The following FGF9 variants were observed in gnomAD, a reference collection of about 807,000 sequenced individuals.
FGF9 encodes the protein fibroblast growth factor 9, also known as fibroblast growth factor 9 (glia-activating factor).
Under a neutral mutation model 19.9 loss-of-function variants are expected in FGF9, and 3 were observed. The ratio of observed to expected loss-of-function variants is 0.15; its 90% CI spans 0.07 to 0.39. The LOEUF is 0.39. Among genes scored for constraint, FGF9 ranks in the 10% least tolerant of loss-of-function variants. The probability of loss-of-function intolerance (pLI) is 1.00; values close to 1 mark genes in which losing one functional copy is unlikely to be tolerated. For synonymous variants in FGF9, 107 were observed against 106.9 expected (o/e 1.00, Z -0.01); for missense variants, 175 against 256.8 (o/e 0.68, Z 2.18).
chr13:21,702,947 T>C lies in FGF9; in HGVS notation c.*1512T>C, dbSNP rs1335423117. ...AGGGGATATTACTATATAGAATATCTTTTACAAGGCTTTTATAACATTTTA... is the reference window on the plus strand; with the variant it reads ...AGGGGATATTACTATATAGAATATCCTTTACAAGGCTTTTATAACATTTTA... On this transcript the variant is annotated 3_prime_UTR_variant, in exon 3 of 3. Transcript: ENST00000382353. 6.6e-6 allele frequency: 1 copy of C among 152,240 alleles called. No homozygotes were observed. The highest frequency in any genetic ancestry group is 2.4e-5 in the African/African-American group (1 of 41,474). 9.4% of individuals were successfully genotyped at this position (152,240 alleles called of 1,614,324 possible). A position where few individuals can be genotyped will look rare whatever the true frequency, so the allele number is the denominator to read the frequency against.
Position 21,704,383 on chromosome 13 carries a change from A to G in FGF9, c.*2948A>G, listed in dbSNP as rs1872606951. ...GGCTGCCTTCTGGTGTTTTTATTCTATTTCATCTCATTAACACTACAACCT... is the reference window on the plus strand; with the variant it reads ...GGCTGCCTTCTGGTGTTTTTATTCTGTTTCATCTCATTAACACTACAACCT... On this transcript the variant is annotated 3_prime_UTR_variant, in exon 3 of 3. Transcript: ENST00000382353. 6.6e-6 allele frequency: 1 copy of G among 152,026 alleles called. No individual in the cohort carries two copies. The highest frequency in any genetic ancestry group is 2.4e-5 in the African/African-American group (1 of 41,374). 9.4% of individuals were successfully genotyped at this position (152,026 alleles called of 1,614,324 possible).
chr13:21,692,637 C>T (rs2138143314), intron 2 of FGF9, among the ~76,000 whole-genome samples: 1 of 152,126 alleles, frequency 6.6e-6, no homozygotes, highest in South Asian at 2.1e-4. Context: ...ACAAAGTGGC[C>T]CATGTAGTGC....
chr13:21,685,247 TAGG>T (rs1200679338), intron 2 of FGF9, among the ~76,000 whole-genome samples: 1 of 152,186 alleles, frequency 6.6e-6, no homozygotes, highest in African/African-American at 2.4e-5. Context: ...AGAAGGTAAA[TAGG>T]AGATTTGGGG....
At chr13:21,675,794 GGTGACTGCAGCTGCTGGCAAGCTTGGCA>G (rs1871901745) in intron 1 of FGF9, among the ~76,000 whole-genome samples, 2 of 152,312 alleles carry the variant, frequency 1.3e-5, no homozygotes, top group Admixed American at 1.3e-4. Flanking sequence ...TGCAGCCGCA[GGTGACTGCAGCTGCTGGCAAGCTTGGCA>G]GTGACACAGC....
In FGF9 at chr13:21,701,492, G is replaced by C. The variant is rs1040358125; in HGVS notation, c.*57G>C. 32 of 1,612,486 alleles carry C rather than the reference G, an allele frequency of 2.0e-5. 1 individual carries two copies. In the South Asian group the frequency reaches 3.3e-4, roughly 17 times the overall value. On this transcript the variant is annotated 3_prime_UTR_variant, in exon 3 of 3. Coordinates refer to ENST00000382353, the MANE Select transcript of FGF9 (RefSeq NM_002010.3). ...AAAGTAACCACTATAAAGGTTTCAC[G>C]CGGTGGGTTCTTATTGATTCGCTGT...
intron 2 of FGF9, among the ~76,000 whole-genome samples, chr13:21,695,115 T>TGTGA (rs1555224959): frequency 9.4e-5 from 14 of 149,576 alleles, no homozygotes; most frequent in African/African-American, 2.8e-4. Context: ...TGTGTGTGTG[T>TGTGA]GAGAGAGACT....
intron 2 of FGF9, among the ~76,000 whole-genome samples, chr13:21,686,586 G>A (rs1186377543): frequency 6.6e-6 from 1 of 152,152 alleles, no homozygotes; most frequent in Non-Finnish European, 1.5e-5. Flanking sequence ...GTATCCCTTT[G>A]TAGCACTTAC....
At chr13:21,693,408 C>T (rs143630882) in intron 2 of FGF9, among the ~76,000 whole-genome samples, 8 of 152,056 alleles carry the variant, frequency 5.3e-5, no homozygotes, top group East Asian at 1.9e-4. Flanking sequence ...CATGGGCATC[C>T]GCTGTGGGTA....
intron 2 of FGF9, among the ~76,000 whole-genome samples, chr13:21,692,550 T>A (rs1872316631): frequency 6.6e-6 from 1 of 152,206 alleles, no homozygotes; most frequent in African/African-American, 2.4e-5. Context: ...TCTCACTCTT[T>A]CTGAGCTGAG....
At position 21,703,731 on chromosome 13, in the gene FGF9, G is replaced by A. The variant is rs1281095811; in HGVS notation, c.*2296G>A. The A allele has an allele frequency of 6.6e-6, 1 of 151,962 alleles. No homozygotes were observed. Among genetic ancestry groups the A allele is most frequent in the African/African-American group, 2.4e-5 (1 of 41,390 alleles). 9.4% of individuals were successfully genotyped at this position (151,962 alleles called of 1,614,324 possible). The stretch of plus-strand genomic sequence containing the variant: ...TATACTATGTAGCACTGAAAAAATT[G>A]ATTTTAGGTGACAGCCAAAAGTAGT... On this transcript the variant is annotated 3_prime_UTR_variant, in exon 3 of 3. Coordinates refer to ENST00000382353, the MANE Select transcript of FGF9 (RefSeq NM_002010.3).
intron 2 of FGF9, among the ~76,000 whole-genome samples, chr13:21,685,002 T>C (rs1593094458): frequency 1.3e-5 from 2 of 152,322 alleles, no homozygotes; most frequent in African/African-American, 2.4e-5. Flanking sequence ...TATTTCCCAC[T>C]GGGTTTGTGG....
At chr13:21,693,594 C>T (rs1249451690) in intron 2 of FGF9, among the ~76,000 whole-genome samples, 1 of 152,120 alleles carries the variant, frequency 6.6e-6, no homozygotes, top group Non-Finnish European at 1.5e-5. Flanking sequence ...GGCTTTTCTT[C>T]CCAGTAAGTT....
intron 2 of FGF9, among the ~76,000 whole-genome samples, chr13:21,699,895 A>C (rs952783796): frequency 7.2e-5 from 11 of 152,154 alleles, no homozygotes; most frequent in African/African-American, 1.9e-4. Flanking sequence ...TCGATTTTAA[A>C]AGTTTCAGTT....
At chr13:21,676,689 G>C (rs984967607) in intron 1 of FGF9, among the ~76,000 whole-genome samples, 1 of 152,208 alleles carries the variant, frequency 6.6e-6, no homozygotes, top group African/African-American at 2.4e-5. Context: ...GCAGCCTCAT[G>C]CCCTGCCCCT....
At position 21,701,626 on chromosome 13, in the gene FGF9, C is replaced by G. The variant is rs1872545868; in HGVS notation, c.*191C>G. On this transcript the variant is annotated 3_prime_UTR_variant, in exon 3 of 3. Coordinates refer to ENST00000382353, the MANE Select transcript of FGF9 (RefSeq NM_002010.3). ...GTTCTGCACTTAAAGGCTTCTCCTC[C>G]TGGAGGGCTGCCTAGGGCCACTTGC... is the stretch of plus-strand genomic sequence containing the variant. 3 of 717,240 alleles carry G rather than the reference C, an allele frequency of 4.2e-6. No homozygotes were observed. The highest frequency in any genetic ancestry group is 2.6e-5 in the Admixed American group (1 of 38,380). The allele number at this position is 717,240 out of a possible 1,614,324, so 44.4% of individuals were successfully genotyped here.
At chr13:21,681,255 C>T (rs1232619894) in intron 2 of FGF9, 110 bp downstream of exon 2, 5 of 819,760 alleles carry the variant, frequency 6.1e-6, no homozygotes, top group South Asian at 1.5e-5. Context: ...GTTTGGAAGG[C>T]GAGTGTAAGT....
intron 2 of FGF9, among the ~76,000 whole-genome samples, chr13:21,700,453 A>G (rs894757684): frequency 6.6e-6 from 1 of 152,240 alleles, no homozygotes; most frequent in African/African-American, 2.4e-5. Context: ...TTTGGGGCTC[A>G]GAAGTCTGCA....
In FGF9 at chr13:21,701,780, G is replaced by C. The variant is rs1565955100; in HGVS notation, c.*345G>C. On this transcript the variant is annotated 3_prime_UTR_variant, in exon 3 of 3. Coordinates refer to ENST00000382353, the MANE Select transcript of FGF9 (RefSeq NM_002010.3). The stretch of plus-strand genomic sequence containing the variant: ...AGATGTGGGCGGAGCGAGAGCAAAA[G>C]GACTGCGGCCTGATGCATGCTGGAA... 6 of 300,456 alleles carry C rather than the reference G, an allele frequency of 2.0e-5. No individual in the cohort carries two copies. Among genetic ancestry groups the C allele is most frequent in the Non-Finnish European group, 3.2e-5 (5 of 155,338 alleles). The allele number at this position is 300,456 out of a possible 1,614,324, so 18.6% of individuals were successfully genotyped here.
Position 21,701,715 on chromosome 13 carries a change from G to T in FGF9, c.*280G>T. ...GAGCGCTAGGAGTGTGTGTATGTGTGTGTGTGTGTGTGTGTGTGTGTGTGT... is the reference window on the plus strand; with the variant it reads ...GAGCGCTAGGAGTGTGTGTATGTGTTTGTGTGTGTGTGTGTGTGTGTGTGT... On this transcript the variant is annotated 3_prime_UTR_variant, in exon 3 of 3. Coordinates refer to ENST00000382353, the MANE Select transcript of FGF9 (RefSeq NM_002010.3). 2.5e-6 allele frequency: 1 copy of T among 395,994 alleles called. No homozygotes were observed. The highest frequency in any genetic ancestry group is 4.8e-6 in the Non-Finnish European group (1 of 209,324). The allele number at this position is 395,994 out of a possible 1,614,324, so 24.5% of individuals were successfully genotyped here.
Sources: allele counts gnomAD v4.1 joint callset (sites outside exome capture counted in the v4.1 genomes callset), GRCh38; gene constraint gnomAD v4.1.1; transcripts MANE v1.5; gene names NCBI Gene and HGNC (gene_info 2026-07-23, HGNC 2026-07-21).